Variants in TMEM132D observed in about 807,000 individuals in gnomAD.
TMEM132D encodes the protein mature OL transmembrane protein.
In TMEM132D, 21 loss-of-function variants were observed where a neutral mutation model predicts 62.3. The observed-to-expected ratio is 0.34, with a 90% confidence interval of 0.24 to 0.49. The LOEUF (loss-of-function observed/expected upper bound fraction) is 0.49, where lower values mean the gene tolerates loss of function less well. Among genes scored for constraint, TMEM132D ranks in the 20% least tolerant of loss-of-function variants. The pLI, the probability that TMEM132D is intolerant of heterozygous loss-of-function variation, is 0.99. For missense variants in TMEM132D, 1,346 were observed against 1,402.8 expected, an observed-to-expected ratio of 0.96 and a Z score of 0.65; for synonymous variants, 621 against 575.6, an observed-to-expected ratio of 1.08 and a Z score of -1.13.
At chr12:129,293,589 C>A (rs940889972) in intron 4 of TMEM132D, among the ~76,000 whole-genome samples, 2 of 152,012 alleles carry the variant, frequency 1.3e-5, no homozygotes, top group Admixed American at 6.5e-5. Context: ...GGAGTGGGAG[C>A]CCTGAGCTTG....
chr12:129,107,057 C>T (rs1875524036), intron 5 of TMEM132D, among the ~76,000 whole-genome samples: 1 of 152,152 alleles, frequency 6.6e-6, no homozygotes, highest in East Asian at 1.9e-4. Flanking sequence ...TCTACTGTAT[C>T]ATCTAGAACA....
At chr12:129,230,996 G>T (rs953311375) in intron 4 of TMEM132D, among the ~76,000 whole-genome samples, 1 of 152,146 alleles carries the variant, frequency 6.6e-6, no homozygotes, top group African/African-American at 2.4e-5. Context: ...ATGTAGCCAG[G>T]GTTAGGAAAA....
chr12:129,299,044 C>T (rs555383919), intron 4 of TMEM132D, among the ~76,000 whole-genome samples: 2 of 152,200 alleles, frequency 1.3e-5, no homozygotes, highest in Non-Finnish European at 2.9e-5. Context: ...ACTCTCAGGC[C>T]AAGCGCTTCA....
At chr12:129,381,111 G>A (rs1870940026) in intron 3 of TMEM132D, among the ~76,000 whole-genome samples, 1 of 152,180 alleles carries the variant, frequency 6.6e-6, no homozygotes, top group Non-Finnish European at 1.5e-5. Context: ...CCAGTGAAAT[G>A]AGAAAAGGAG....
At chr12:129,183,933 T>C (rs957940933) in intron 5 of TMEM132D, among the ~76,000 whole-genome samples, 2 of 152,216 alleles carry the variant, frequency 1.3e-5, no homozygotes, top group African/African-American at 4.8e-5. Flanking sequence ...AACCACTCAC[T>C]GTTGTCTCCG....
intron 2 of TMEM132D, among the ~76,000 whole-genome samples, chr12:129,688,928 G>A (rs1324491121): frequency 1.3e-5 from 2 of 152,064 alleles, no homozygotes; most frequent in Non-Finnish European, 2.9e-5. Context: ...TCTAGTCCAG[G>A]ATTCTCTAAC....
chr12:129,154,867 T>C (rs1159434267), intron 5 of TMEM132D, among the ~76,000 whole-genome samples: 1 of 152,238 alleles, frequency 6.6e-6, no homozygotes, highest in Non-Finnish European at 1.5e-5. Context: ...AATTGCTTTC[T>C]GAGAATTATG....
At chr12:129,486,504 C>T (rs1053947010) in intron 3 of TMEM132D, among the ~76,000 whole-genome samples, 1 of 152,098 alleles carries the variant, frequency 6.6e-6, no homozygotes, top group Non-Finnish European at 1.5e-5. Context: ...CCATATAAAA[C>T]CGAGTCTCTG....
chr12:129,320,973 T>TCTAC lies in TMEM132D; in HGVS notation c.1299+16657_1299+16660dup, dbSNP rs764957409. Reference sequence around the variant, plus strand: ...GACATTATTTATACAAATCTATCTATCTACCTACCTACCTACCTACCTACC... The same window carrying TCTAC: ...GACATTATTTATACAAATCTATCTATCTACCTACCTACCTACCTACCTACCTACC... On this transcript the variant is annotated intron_variant, in intron 4 of 8. Coordinates refer to ENST00000422113, the MANE Select transcript of TMEM132D (RefSeq NM_133448.3). 2.4e-3 allele frequency among the ~76,000 whole-genome samples: 373 copies of TCTAC among 152,248 alleles called. 1 individual carries two copies. The highest frequency in any genetic ancestry group is 8.4e-3 in the African/African-American group (347 of 41,492).
intron 2 of TMEM132D, among the ~76,000 whole-genome samples, chr12:129,537,719 A>G (rs1170580196): frequency 1.3e-5 from 2 of 152,324 alleles, no homozygotes; most frequent in Admixed American, 1.3e-4. Flanking sequence ...AGGAGACCAA[A>G]GAGAAGAGGA....
intron 2 of TMEM132D, among the ~76,000 whole-genome samples, chr12:129,672,506 CCAAA>C (rs1326043070): frequency 6.6e-6 from 1 of 152,074 alleles, no homozygotes; most frequent in East Asian, 1.9e-4. Flanking sequence ...GTACCTTGAC[CCAAA>C]CAAAGGGGAA....
chr12:129,787,966 C>T (rs1303569577), intron 1 of TMEM132D, among the ~76,000 whole-genome samples: 1 of 152,204 alleles, frequency 6.6e-6, no homozygotes, highest in East Asian at 1.9e-4. Context: ...ACTCTGAAAA[C>T]AGAAGAGACG....
intron 2 of TMEM132D, among the ~76,000 whole-genome samples, chr12:129,616,511 T>A (rs1565924184): frequency 6.6e-6 from 1 of 152,144 alleles, no homozygotes; most frequent in Non-Finnish European, 1.5e-5. Flanking sequence ...GTTCTCATAA[T>A]CCCCATGTAT....
intron 3 of TMEM132D, among the ~76,000 whole-genome samples, chr12:129,461,574 C>A (rs1462711416): frequency 6.6e-6 from 1 of 152,110 alleles, no homozygotes; most frequent in Non-Finnish European, 1.5e-5. Context: ...TTGACTTATT[C>A]ATCTTCTTAC....
intron 1 of TMEM132D, among the ~76,000 whole-genome samples, chr12:129,820,913 C>A (rs1227864248): frequency 6.6e-6 from 1 of 152,126 alleles, no homozygotes; most frequent in African/African-American, 2.4e-5. Flanking sequence ...ATTAAAAATT[C>A]CAAAGGGATG....
intron 4 of TMEM132D, among the ~76,000 whole-genome samples, chr12:129,284,774 G>A (rs914500929): frequency 2.0e-5 from 3 of 152,246 alleles, no homozygotes; most frequent in Non-Finnish European, 4.4e-5. Flanking sequence ...CAACATGGAT[G>A]AACCTCAAGG....
chr12:129,337,441 G>GCACGCACACACACACA (rs1555248616), intron 4 of TMEM132D, among the ~76,000 whole-genome samples, 193 bp downstream of exon 4: 2 of 148,228 alleles, frequency 1.3e-5, no homozygotes, highest in East Asian at 4.0e-4. Flanking sequence ...ATACACACAC[G>GCACGCACACACACACA]CACACACACA....
intron 5 of TMEM132D, among the ~76,000 whole-genome samples, chr12:129,144,782 CCTAA>C (rs63658660): frequency 0.012 from 1,796 of 152,264 alleles, 41 homozygotes; most frequent in African/African-American, 0.041. Flanking sequence ...GCTCTATCTA[CCTAA>C]CTACCTGTCA....
chr12:129,420,306 G>GTTTTTTTTTTTTTTTTTTTTT (rs71082709), intron 3 of TMEM132D, among the ~76,000 whole-genome samples: 24 of 112,306 alleles, frequency 2.1e-4, no homozygotes, highest in South Asian at 1.0e-3. Flanking sequence ...CACGTTCTCT[G>GTTTTTTTTTTTTTTTTTTTTT]TTTTTTTTTT....
Sources: gnomAD v4.1 joint callset for allele counts (sites outside exome capture counted in the v4.1 genomes callset) on GRCh38, gnomAD v4.1.1 for gene constraint, MANE v1.5 for transcripts, NCBI Gene and HGNC (gene_info 2026-07-23, HGNC 2026-07-21) for gene names.